Variants in NFATC2 observed in about 807,000 individuals in gnomAD.
NFATC2 encodes nuclear factor of activated T cells 2.
NFATC2 carries 22 observed loss-of-function variants against 87.3 expected under a neutral mutation model. The observed-to-expected ratio is 0.25, with a 90% confidence interval of 0.18 to 0.36. NFATC2 has a LOEUF of 0.36. Among genes scored for constraint, NFATC2 ranks in the 10% least tolerant of loss-of-function variants. The pLI, the probability that NFATC2 is intolerant of heterozygous loss-of-function variation, is 1.00. For synonymous variants in NFATC2, 565 were observed against 542.2 expected, an observed-to-expected ratio of 1.04 and a Z score of -0.58; for missense variants, 1,149 against 1,259.1, an observed-to-expected ratio of 0.91 and a Z score of 1.32.
At chr20:51,552,846 G>C (rs1303443890) in intron 1 of NFATC2, among the ~76,000 whole-genome samples, 1 of 151,820 alleles carries the variant, frequency 6.6e-6, no homozygotes, top group Non-Finnish European at 1.5e-5. Flanking sequence ...GGATACATGT[G>C]CAGGACGTGC....
At chr20:51,440,563 C>A (rs991914029) in intron 6 of NFATC2, among the ~76,000 whole-genome samples, 1 of 152,172 alleles carries the variant, frequency 6.6e-6, no homozygotes. Flanking sequence ...TTTAAAAACA[C>A]ACACAGAGAA....
At chr20:51,532,587 C>T (rs889711789) in intron 1 of NFATC2, among the ~76,000 whole-genome samples, 6 of 152,196 alleles carry the variant, frequency 3.9e-5, no homozygotes, top group Middle Eastern at 3.2e-3. Context: ...CAGTGGTCCC[C>T]GCCAGCGCCT....
At chr20:51,468,727 T>G (rs1416844011) in intron 5 of NFATC2, among the ~76,000 whole-genome samples, 1 of 152,252 alleles carries the variant, frequency 6.6e-6, no homozygotes, top group Non-Finnish European at 1.5e-5. Context: ...CATTGCCTGG[T>G]TCCGTCTTTA....
chr20:51,460,861 A>G (rs998766715), intron 5 of NFATC2, among the ~76,000 whole-genome samples: 1 of 152,188 alleles, frequency 6.6e-6, no homozygotes, highest in Non-Finnish European at 1.5e-5. Flanking sequence ...ACGCAGGGTC[A>G]GAAGGTGCTA....
intron 3 of NFATC2, among the ~76,000 whole-genome samples, chr20:51,513,828 G>A (rs117655616): frequency 1.2e-3 from 189 of 152,376 alleles, no homozygotes; most frequent in Non-Finnish European, 2.4e-3. Flanking sequence ...GCAAAACTAG[G>A]GGGAATGGAG....
Position 51,391,203 on chromosome 20 carries a change from G to T in NFATC2, c.*293C>A. On this transcript the variant is annotated 3_prime_UTR_variant, in exon 11 of 11. Coordinates refer to ENST00000371564, the MANE Select transcript of NFATC2 (RefSeq NM_012340.5). ...CTCTCTGGGATTTAAAACATAAACC[G>T]AAAAGAAGAGTTCTCTCTGGTGTTT... The T allele has an allele frequency of 1.4e-6, 1 of 705,786 alleles. No homozygotes were observed. The highest frequency in any genetic ancestry group is 2.6e-6 in the Non-Finnish European group (1 of 387,720). The allele number at this position is 705,786 out of a possible 1,614,324, so 43.7% of individuals were successfully genotyped here.
At chr20:51,562,815 A>T (rs1251407272), upstream of NFATC2, 6 of 557,746 alleles carry the variant, frequency 1.1e-5, no homozygotes, top group Non-Finnish European at 1.9e-5. The surrounding 1 kb of genome is among the most constrained non-coding windows in gnomAD (Gnocchi z 5.8). Context: ...CGGCTCCGCG[A>T]TCCGGCTTAC....
intron 9 of NFATC2, 132 bp downstream of exon 9, chr20:51,431,935 C>T (rs1206540489): frequency 5.2e-6 from 5 of 962,230 alleles, no homozygotes; most frequent in Non-Finnish European, 7.4e-6. Context: ...ATTATTCAAC[C>T]TCCTTAAATT....
At position 51,523,262 on chromosome 20, in the gene NFATC2, G is replaced by C. The variant is rs1175843305; in HGVS notation, c.979C>G (p.Pro327Ala). The change falls in exon 2 of 11, where the codon CCT (proline) becomes GCT (alanine). Residue 327 changes from proline (P) to alanine (A), a missense_variant. Coordinates refer to ENST00000371564, the MANE Select transcript of NFATC2 (RefSeq NM_012340.5). The surrounding 1 kb of genome is among the most constrained non-coding windows in gnomAD (Gnocchi z 6.9). The stretch of plus-strand genomic sequence containing the variant: ...GCGGCAGACACCGGCGAGGGGTCAG[G>C]GCTGGTCTTCCACATCTTGGGGGGG... Reference protein sequence around the residue: ...GIPPKMWKTSPDPSPVSAAPS... With the variant: ...GIPPKMWKTSADPSPVSAAPS... The C allele has an allele frequency of 6.2e-7, 1 of 1,613,850 alleles. No individual in the cohort carries two copies. Among genetic ancestry groups the C allele is most frequent in the Non-Finnish European group, 8.5e-7 (1 of 1,179,836 alleles).
At chr20:51,490,345 C>T (rs762462189) in intron 3 of NFATC2, among the ~76,000 whole-genome samples, 36 of 152,320 alleles carry the variant, frequency 2.4e-4, no homozygotes, top group Admixed American at 5.9e-4. Flanking sequence ...GATTCCAACA[C>T]GGCAGGTCTA....
In NFATC2 at chr20:51,414,043, C is replaced by T. The variant is rs190073947; in HGVS notation, c.2723-15313G>A. Reference sequence around the variant, plus strand: ...AAATCATTTTAAACCCAGGCAGTCTCGGTTCTCAGTTTCATGCCTGGTTAT... The same window carrying T: ...AAATCATTTTAAACCCAGGCAGTCTTGGTTCTCAGTTTCATGCCTGGTTAT... On this transcript the variant is annotated intron_variant, in intron 9 of 10. Transcript: ENST00000371564. Among the ~76,000 whole-genome samples, 26 of 152,290 alleles carry T rather than the reference C, an allele frequency of 1.7e-4. No individual in the cohort carries two copies. In the East Asian group the frequency reaches 2.5e-3, roughly 15 times the overall value.
chr20:51,525,450 C>T (rs111343515), intron 1 of NFATC2, among the ~76,000 whole-genome samples: 1 of 152,062 alleles, frequency 6.6e-6, no homozygotes, highest in Non-Finnish European at 1.5e-5. Context: ...TAGCAGACAC[C>T]CTGCCTCACT....
intron 3 of NFATC2, among the ~76,000 whole-genome samples, chr20:51,497,869 T>G (rs2076015086): frequency 6.6e-6 from 1 of 152,014 alleles, no homozygotes; most frequent in Non-Finnish European, 1.5e-5. Context: ...TAAAGTTAGA[T>G]ACACGCAAAG....
chr20:51,457,383 G>A (rs1314248482), intron 5 of NFATC2, among the ~76,000 whole-genome samples: 1 of 152,228 alleles, frequency 6.6e-6, no homozygotes, highest in Non-Finnish European at 1.5e-5. Context: ...CCTGGGGACT[G>A]GAAGGGGCTG....
chr20:51,426,523 A>G (rs570498232), intron 9 of NFATC2, among the ~76,000 whole-genome samples: 1 of 152,152 alleles, frequency 6.6e-6, no homozygotes, highest in Non-Finnish European at 1.5e-5. Flanking sequence ...CATTTATGGA[A>G]GATCCCTTTT....
intron 2 of NFATC2, among the ~76,000 whole-genome samples, chr20:51,517,545 T>TCAC (rs2076371675): frequency 6.6e-6 from 1 of 151,506 alleles, no homozygotes; most frequent in African/African-American, 2.4e-5. Context: ...TGAGCTGTGA[T>TCAC]TGCACCACTG....
chr20:51,490,877 G>A (rs2075870652), intron 3 of NFATC2, among the ~76,000 whole-genome samples: 1 of 152,236 alleles, frequency 6.6e-6, no homozygotes, highest in South Asian at 2.1e-4. Flanking sequence ...GGTTTGCAGA[G>A]CACAGGACTG....
At chr20:51,560,542 C>T (rs1284727166) in intron 1 of NFATC2, among the ~76,000 whole-genome samples, 6 of 152,310 alleles carry the variant, frequency 3.9e-5, no homozygotes, top group Middle Eastern at 3.4e-3. Context: ...CGACCCCACC[C>T]ATTGGATGGG....
At chr20:51,426,937 T>G (rs1981923795) in intron 9 of NFATC2, among the ~76,000 whole-genome samples, 1 of 152,270 alleles carries the variant, frequency 6.6e-6, no homozygotes, top group African/African-American at 2.4e-5. Flanking sequence ...GAAGTAGATT[T>G]AAGAATAAGC....
Sources: allele counts gnomAD v4.1 joint callset (sites outside exome capture counted in the v4.1 genomes callset), GRCh38; gene constraint gnomAD v4.1.1; non-coding constraint Gnocchi (gnomAD v3.1); transcripts MANE v1.5; gene names NCBI Gene and HGNC (gene_info 2026-07-23, HGNC 2026-07-21).